PCBP3: variants seen among roughly 807,000 people sequenced by gnomAD.
The protein encoded by PCBP3 is poly(rC)-binding protein 3.
In PCBP3, 25 loss-of-function variants were observed where a neutral mutation model predicts 52.7. That is an observed-to-expected ratio of 0.47 (90% CI 0.35 to 0.66). PCBP3 has a LOEUF of 0.66. Ranked by LOEUF, PCBP3 falls within the 30% of genes least tolerant of loss-of-function variation. The pLI, the probability that PCBP3 is intolerant of heterozygous loss-of-function variation, is 0.01. For missense variants in PCBP3, 391 were observed against 490.3 expected, an observed-to-expected ratio of 0.80 and a Z score of 1.91; for synonymous variants, 162 against 183.0, an observed-to-expected ratio of 0.89 and a Z score of 0.93.
At position 45,821,285 on chromosome 21, in the gene PCBP3, G is replaced by A. The variant is rs2093128202; in HGVS notation, c.-125-28676G>A. On this transcript the variant is annotated intron_variant, in intron 4 of 17. Transcript: ENST00000681687. This position sits in a 1 kb window ranked among gnomAD's most constrained non-coding sequence, Gnocchi z 4.4. Reference sequence around the variant, plus strand: ...ACCCTCAGGGTCGCCAGTGACTCCTGGGTCACACTGGCCCAGCACACACTG... The same window carrying A: ...ACCCTCAGGGTCGCCAGTGACTCCTAGGTCACACTGGCCCAGCACACACTG... 6.6e-6 allele frequency among the ~76,000 whole-genome samples: 1 copy of A among 151,928 alleles called. No individual in the cohort carries two copies. The highest frequency in any genetic ancestry group is 2.1e-4 in the South Asian group (1 of 4,828).
At chr21:45,689,170 A>G (rs948355917) in intron 2 of PCBP3, among the ~76,000 whole-genome samples, 1 of 152,136 alleles carries the variant, frequency 6.6e-6, no homozygotes, top group African/African-American at 2.4e-5. Flanking sequence ...TAGATATAAA[A>G]GTCCTTAATC....
Position 45,815,670 on chromosome 21 carries a change from ATGAGTGAGTGG to A in PCBP3, c.-125-34263_-125-34253del, listed in dbSNP as rs1434638089. 2.2e-3 allele frequency among the ~76,000 whole-genome samples: 75 copies of A among 34,272 alleles called. 2 individuals carry two copies. Among genetic ancestry groups the A allele is most frequent in the East Asian group, 0.012 (15 of 1,226 alleles). The allele number at this position is 34,272 out of a possible 152,430, so 22.5% of individuals were successfully genotyped here. ...AGTGGTGAGTGGTGAGTGGTGAGTG[ATGAGTGAGTGG>A]TGAGTGAGTGGTGAGTGAGTGGTGA... is the stretch of plus-strand genomic sequence containing the variant. On this transcript the variant is annotated intron_variant, in intron 4 of 17. Transcript: ENST00000681687.
At chr21:45,814,926 T>G (rs1467768688) in intron 4 of PCBP3, among the ~76,000 whole-genome samples, 8 of 112,142 alleles carry the variant, frequency 7.1e-5, no homozygotes, top group African/African-American at 1.1e-4. Flanking sequence ...GATGAGTGAG[T>G]GGTGAGTAGT....
chr21:45,682,699 G>A (rs906896041), intron 2 of PCBP3, among the ~76,000 whole-genome samples: 1 of 151,994 alleles, frequency 6.6e-6, no homozygotes, highest in African/African-American at 2.4e-5. Flanking sequence ...GGAGAATGGC[G>A]TGCCATCAGT....
chr21:45,732,342 C>T (rs1603345522), intron 2 of PCBP3, among the ~76,000 whole-genome samples: 1 of 151,894 alleles, frequency 6.6e-6, no homozygotes, highest in African/African-American at 2.4e-5. Flanking sequence ...TTATAAAATA[C>T]AGATAATAAA....
At chr21:45,913,348 C>G (rs1309692864) in intron 11 of PCBP3, among the ~76,000 whole-genome samples, 1 of 152,206 alleles carries the variant, frequency 6.6e-6, no homozygotes, top group African/African-American at 2.4e-5. Flanking sequence ...CTGTGGAGAT[C>G]TCTGCTGACT....
At position 45,910,979 on chromosome 21, in the gene PCBP3, C is replaced by G. The variant is rs1426605422; in HGVS notation, c.549C>G (p.Thr183=). The change falls in exon 11 of 18, where the codon ACC becomes ACG. Residue 183 remains threonine, a synonymous_variant. Transcript: ENST00000681687. ...STERAVTISG[T]PDAIIQCVKQ... ...AGCGAGCGGTGACCATCTCGGGGAC[C>G]CCAGATGCCATCATCCAGTGCGTCA... The G allele has an allele frequency of 6.2e-7, 1 of 1,612,254 alleles. No homozygotes were observed. The highest frequency in any genetic ancestry group is 1.3e-5 in the African/African-American group (1 of 75,026).
intron 4 of PCBP3, chr21:45,761,947 T>G (rs2088712339): frequency 6.6e-6 from 1 of 152,284 alleles, no homozygotes; most frequent in African/African-American, 2.4e-5. Context: ...TGTGCAACTC[T>G]TCCGTGGAAT....
At chr21:45,715,998 C>A (rs1319408169) in intron 2 of PCBP3, among the ~76,000 whole-genome samples, 1 of 151,932 alleles carries the variant, frequency 6.6e-6, no homozygotes, top group Non-Finnish European at 1.5e-5. Flanking sequence ...TTTATTTTTT[C>A]TTTCATTGCT....
Position 45,880,347 on chromosome 21 carries a change from A to G in PCBP3, c.11-15861A>G, listed in dbSNP as rs2095371109. On this transcript the variant is annotated intron_variant, in intron 5 of 17. Coordinates refer to ENST00000681687, the MANE Select transcript of PCBP3 (RefSeq NM_001384156.1). This position sits in a 1 kb window ranked among gnomAD's most constrained non-coding sequence, Gnocchi z 5.4. ...CACACAACTTCTTCTGCCATGGCCC[A>G]AACCCAGCCCTGTGCCGCCTCTGTG... is the stretch of plus-strand genomic sequence containing the variant. Among the ~76,000 whole-genome samples the G allele has an allele frequency of 6.6e-6, 1 of 152,150 alleles. No individual in the cohort carries two copies. Among genetic ancestry groups the G allele is most frequent in the Admixed American group, 6.5e-5 (1 of 15,278 alleles).
Position 45,902,147 on chromosome 21 carries a change from G to T in PCBP3, c.339+1034G>T, listed in dbSNP as rs552323546. Among the ~76,000 whole-genome samples, 9 of 152,348 alleles carry T rather than the reference G, an allele frequency of 5.9e-5. No individual in the cohort carries two copies. The East Asian group carries it at 9.7e-4, about 16-fold the overall frequency. ...GTGACTGGTTGGAGGAGTGTGCGAG[G>T]CCTTTTCCAGTGGGTCCTGAGTTGG... is the stretch of plus-strand genomic sequence containing the variant. On this transcript the variant is annotated intron_variant, in intron 9 of 17. Coordinates refer to ENST00000681687, the MANE Select transcript of PCBP3 (RefSeq NM_001384156.1).
intron 4 of PCBP3, among the ~76,000 whole-genome samples, chr21:45,797,667 AGGGAGAGTGAATGCATAGATG>A (rs2092015268): frequency 2.1e-3 from 17 of 8,234 alleles, no homozygotes; most frequent in East Asian, 6.0e-3. Flanking sequence ...ATGGATCCAT[AGGGAGAGTGAATGCATAGATG>A]GACGAGTGCA....
At chr21:45,715,224 G>A (rs2084131054) in intron 2 of PCBP3, among the ~76,000 whole-genome samples, 1 of 152,170 alleles carries the variant, frequency 6.6e-6, no homozygotes, top group South Asian at 2.1e-4. Flanking sequence ...CCTATACAGA[G>A]GGGTATCAGT....
chr21:45,721,600 TA>T (rs1569150988), intron 2 of PCBP3, among the ~76,000 whole-genome samples: 1 of 152,172 alleles, frequency 6.6e-6, no homozygotes, highest in Non-Finnish European at 1.5e-5. Context: ...AAAGTTATTC[TA>T]ATATTAAAGA....
At chr21:45,769,808 A>G (rs2145771398) in intron 4 of PCBP3, among the ~76,000 whole-genome samples, 1 of 152,370 alleles carries the variant, frequency 6.6e-6, no homozygotes, top group Admixed American at 6.5e-5. Context: ...CTCGTTTCAC[A>G]AGTGATAGAA....
At chr21:45,744,713 C>T (rs889925047) in intron 3 of PCBP3, among the ~76,000 whole-genome samples, 3 of 152,042 alleles carry the variant, frequency 2.0e-5, no homozygotes, top group Non-Finnish European at 4.4e-5. Flanking sequence ...TTCCTGAGTG[C>T]TTCTTTGAAC....
intron 5 of PCBP3, chr21:45,893,708 C>G (rs748724916): frequency 2.5e-5 from 24 of 978,166 alleles, no homozygotes; most frequent in Non-Finnish European, 2.8e-5. Context: ...TGCTAAATCT[C>G]CAGCACTGGA....
At chr21:45,874,508 T>G (rs1431782973) in intron 5 of PCBP3, among the ~76,000 whole-genome samples, 2 of 148,560 alleles carry the variant, frequency 1.3e-5, no homozygotes, top group African/African-American at 4.9e-5. Flanking sequence ...TTCTTTTCTT[T>G]TTTTTTTTTT....
At chr21:45,711,018 TC>T (rs2083796537) in intron 2 of PCBP3, among the ~76,000 whole-genome samples, 2 of 152,218 alleles carry the variant, frequency 1.3e-5, no homozygotes. Context: ...AGCACCTCTT[TC>T]CTTTCTGGTA....
Sources: allele counts gnomAD v4.1 joint callset (sites outside exome capture counted in the v4.1 genomes callset), GRCh38; gene constraint gnomAD v4.1.1; non-coding constraint Gnocchi (gnomAD v3.1); transcripts MANE v1.5; gene names NCBI Gene and HGNC (gene_info 2026-07-23, HGNC 2026-07-21).